MAF: variants seen among roughly 807,000 people sequenced by gnomAD.
The protein encoded by MAF is transcription factor Maf.
In MAF, 10 loss-of-function variants were observed where a neutral mutation model predicts 22.0. The ratio of observed to expected loss-of-function variants is 0.45; its 90% CI spans 0.28 to 0.77. MAF has a LOEUF of 0.77. Ranked by LOEUF, MAF falls within the 30% of genes least tolerant of loss-of-function variation. The pLI, the probability that MAF is intolerant of heterozygous loss-of-function variation, is 0.12. For missense variants in MAF, 544 were observed against 548.4 expected (o/e 0.99, Z 0.08); for synonymous variants, 337 against 255.8 (o/e 1.32, Z -3.03).
the MAF span, among the ~76,000 whole-genome samples, chr16:79,432,478 AACAATTATAACAATAT>A: frequency 6.6e-6 from 1 of 152,230 alleles, no homozygotes; most frequent in Non-Finnish European, 1.5e-5. Context: ...TATAAAATAG[AACAATTATAACAATAT>A]ACTTAAATAA....
At chr16:79,465,537 A>G in the MAF span, among the ~76,000 whole-genome samples, 1 of 152,186 alleles carries the variant, frequency 6.6e-6, no homozygotes, top group Non-Finnish European at 1.5e-5. Context: ...AGTTGCAGTG[A>G]GCCGTGATCC....
At chr16:79,371,519 G>A in the MAF span, among the ~76,000 whole-genome samples, 1 of 152,088 alleles carries the variant, frequency 6.6e-6, no homozygotes, top group African/African-American at 2.4e-5. Flanking sequence ...TCCCCTGACT[G>A]CCTTTCCTCC....
chr16:79,553,325 T>C, the MAF span, among the ~76,000 whole-genome samples: 1 of 152,188 alleles, frequency 6.6e-6, no homozygotes, highest in Non-Finnish European at 1.5e-5. Flanking sequence ...CTGAGTGGCT[T>C]CCAATGGAGC....
chr16:79,585,932 C>T lies in MAF; in HGVS notation c.1128G>A (p.Arg376=), dbSNP rs1026368264. Residue 376 remains arginine (R), a synonymous_variant, in exon 2 of 2, where the codon AGG becomes AGA. Coordinates refer to the MAF transcript ENST00000569649. The stretch of plus-strand genomic sequence containing the variant: ...TTCACATCACTGATGTAGAGGATTC[C>T]CTTGGGTACCTGATTTAGTAAATAT... 18 of 684,098 alleles carry T rather than the reference C, an allele frequency of 2.6e-5. No individual in the cohort carries two copies. The Admixed American group carries it at 3.9e-4, about 15-fold the overall frequency. 42.4% of individuals were successfully genotyped at this position (684,098 alleles called of 1,614,324 possible).
the MAF span, among the ~76,000 whole-genome samples, chr16:79,492,628 T>G: frequency 1.3e-5 from 2 of 151,910 alleles, no homozygotes; most frequent in African/African-American, 4.8e-5. Flanking sequence ...ATGAATACAA[T>G]GTCCATCAAT....
downstream of MAF, among the ~76,000 whole-genome samples, chr16:79,590,658 C>CGGCTTGT (rs1435770742): frequency 6.6e-6 from 1 of 151,888 alleles, no homozygotes; most frequent in Non-Finnish European, 1.5e-5. Context: ...AACCTGTCAG[C>CGGCTTGT]GGCTTGTCAG....
the MAF span, among the ~76,000 whole-genome samples, chr16:79,314,853 C>T: frequency 6.6e-6 from 1 of 152,284 alleles, no homozygotes; most frequent in African/African-American, 2.4e-5. Context: ...CTCCCTGAGC[C>T]TCCTCAGGGA....
the MAF span, among the ~76,000 whole-genome samples, chr16:79,465,673 G>C: frequency 1.6e-4 from 25 of 152,116 alleles, no homozygotes; most frequent in Non-Finnish European, 2.6e-4. Context: ...TTTTAAATCA[G>C]ACTGATCTGT....
At position 79,600,424 on chromosome 16, in the gene MAF, G is replaced by A; in HGVS notation, c.-522C>T. 1 of 196,968 alleles carries A rather than the reference G, an allele frequency of 5.1e-6. No individual in the cohort carries two copies. Among genetic ancestry groups the A allele is most frequent in the Non-Finnish European group, 1.2e-5 (1 of 85,900 alleles). 12.2% of individuals were successfully genotyped at this position (196,968 alleles called of 1,614,324 possible). A position where few individuals can be genotyped will look rare whatever the true frequency, so the allele number is the denominator to read the frequency against. On this transcript the variant is annotated 5_prime_UTR_variant, in exon 1 of 2. Transcript: ENST00000326043. The stretch of plus-strand genomic sequence containing the variant: ...GTCTGTCCGGGCGGCGCGGGCCTTG[G>A]CACGGGGGAGTTAACACTTCATGCT...
chr16:79,241,102 C>T, the MAF span, among the ~76,000 whole-genome samples: 2 of 152,066 alleles, frequency 1.3e-5, no homozygotes, highest in Admixed American at 6.6e-5. Flanking sequence ...CGCAAAAAGG[C>T]TGGAAATTCC....
the MAF span, among the ~76,000 whole-genome samples, chr16:79,539,813 A>C: frequency 6.6e-6 from 1 of 152,342 alleles, no homozygotes; most frequent in African/African-American, 2.4e-5. Context: ...ACATGATCAC[A>C]ATCATGTCAG....
the MAF span, among the ~76,000 whole-genome samples, chr16:79,535,093 A>G: frequency 6.7e-6 from 1 of 149,976 alleles, no homozygotes; most frequent in Non-Finnish European, 1.5e-5. Context: ...CAATTTATCA[A>G]TTCTGCATTT....
At chr16:79,546,334 T>C in the MAF span, among the ~76,000 whole-genome samples, 5 of 152,190 alleles carry the variant, frequency 3.3e-5, no homozygotes, top group African/African-American at 9.6e-5. Flanking sequence ...ATAGACTCCA[T>C]CCTGAAACTA....
chr16:79,379,214 C>T, the MAF span, among the ~76,000 whole-genome samples: 193 of 152,254 alleles, frequency 1.3e-3, 1 homozygote, highest in African/African-American at 4.4e-3. Context: ...CCTGTCAACC[C>T]TAATAGATTG....
At chr16:79,585,742 G>A (rs1386267237), downstream of MAF, 2 of 562,070 alleles carry the variant, frequency 3.6e-6, no homozygotes, top group African/African-American at 3.8e-5. Flanking sequence ...TAAAACTAAT[G>A]AAACAGGAAC....
the MAF span, among the ~76,000 whole-genome samples, chr16:79,535,719 T>C: frequency 6.6e-6 from 1 of 150,766 alleles, no homozygotes; most frequent in Middle Eastern, 3.4e-3. Context: ...GTCCTCAGCC[T>C]CCTGAGTAGC....
downstream of MAF, chr16:79,585,719 G>A: frequency 3.6e-6 from 2 of 554,928 alleles, no homozygotes; most frequent in Non-Finnish European, 6.3e-6. Flanking sequence ...CATGACACGT[G>A]AAACCCAAAT....
chr16:79,281,318 T>G, the MAF span, among the ~76,000 whole-genome samples: 1 of 151,286 alleles, frequency 6.6e-6, no homozygotes, highest in Non-Finnish European at 1.5e-5. Context: ...TCGTGAAAGA[T>G]GAAAGAAAGC....
the MAF span, among the ~76,000 whole-genome samples, chr16:79,335,756 C>T: frequency 6.6e-6 from 1 of 152,228 alleles, no homozygotes; most frequent in Admixed American, 6.5e-5. Context: ...CACCCACAAA[C>T]TAGGATGGGT....
Sources: allele counts gnomAD v4.1 joint callset (sites outside exome capture counted in the v4.1 genomes callset), GRCh38; gene constraint gnomAD v4.1.1; transcripts MANE v1.5; gene names NCBI Gene and HGNC (gene_info 2026-07-23, HGNC 2026-07-21).